C8orf74: variants seen among roughly 807,000 people sequenced by gnomAD.
The protein encoded by C8orf74 is chromosome 8 open reading frame 74, also known as uncharacterized protein C8orf74.
In C8orf74, 29 loss-of-function variants were observed where a neutral mutation model predicts 22.2. The observed-to-expected ratio is 1.31, with a 90% CI of 0.97 to 1.78. C8orf74 has a LOEUF of 1.78. Among genes scored for constraint, C8orf74 ranks in the 40% most tolerant of loss-of-function variants. C8orf74 has a pLI of 0.00. For synonymous variants in C8orf74, 255 were observed against 163.1 expected (o/e 1.56, Z -4.30); for missense variants, 515 against 369.9 (o/e 1.39, Z -3.22).
At chr8:10,678,028 C>T (rs1799068771) in intron 2 of C8orf74, among the ~76,000 whole-genome samples, 1 of 152,336 alleles carries the variant, frequency 6.6e-6, no homozygotes, top group Admixed American at 6.5e-5. Flanking sequence ...CTTACGAGTT[C>T]CTCCTCTCAC....
At chr8:10,680,731 C>T (rs758842494) in intron 2 of C8orf74, among the ~76,000 whole-genome samples, 2 of 152,184 alleles carry the variant, frequency 1.3e-5, no homozygotes, top group African/African-American at 2.4e-5. Context: ...CCTACCAGAC[C>T]GAGAGAGCAG....
intron 2 of C8orf74, among the ~76,000 whole-genome samples, chr8:10,683,547 G>A (rs1799196862): frequency 6.6e-6 from 1 of 152,184 alleles, no homozygotes; most frequent in Non-Finnish European, 1.5e-5. Flanking sequence ...TTTCATCTCT[G>A]GGGGATGATG....
chr8:10,678,712 C>T (rs1799085286), intron 2 of C8orf74, among the ~76,000 whole-genome samples: 1 of 152,104 alleles, frequency 6.6e-6, no homozygotes, highest in African/African-American at 2.4e-5. Context: ...GGAGAGCTGG[C>T]TCCTGACAGC....
At position 10,697,612 on chromosome 8, in the gene C8orf74, T is replaced by A; in HGVS notation, c.255T>A (p.Thr85=). ...CTGTGCCTACAGGCTGCTCCATTACTGAGGCTGTGACGATCCTGGGGAACA... is the reference window on the plus strand; with the variant it reads ...CTGTGCCTACAGGCTGCTCCATTACAGAGGCTGTGACGATCCTGGGGAACA... ...LLRETKGCSI[T]EAVTILGNKL... Residue 85 remains threonine, a synonymous_variant, in exon 3 of 4, where the codon ACT becomes ACA. Transcript: ENST00000304519. The A allele has an allele frequency of 6.2e-7, 1 of 1,613,730 alleles. No homozygotes were observed. The highest frequency in any genetic ancestry group is 8.5e-7 in the Non-Finnish European group (1 of 1,179,728).
intron 2 of C8orf74, among the ~76,000 whole-genome samples, chr8:10,676,995 T>C (rs4129653): frequency 0.18 from 27,700 of 152,112 alleles, 3,446 homozygotes; most frequent in African/African-American, 0.35. Context: ...ATTAGGGCGC[T>C]CTGGAGCTTT....
intron 3 of C8orf74, among the ~76,000 whole-genome samples, chr8:10,699,023 A>G (rs1563166330): frequency 1.3e-5 from 2 of 152,154 alleles, no homozygotes; most frequent in Non-Finnish European, 1.5e-5. Flanking sequence ...CAAATAGCAC[A>G]TCAGGGGGCC....
At chr8:10,687,083 C>T (rs1483822020) in intron 2 of C8orf74, 1 of 456,266 alleles carries the variant, frequency 2.2e-6, no homozygotes, top group Admixed American at 2.3e-5. Flanking sequence ...AAACCAGGTT[C>T]AGTCCAGGAG....
At chr8:10,681,003 T>G (rs1799137303) in intron 2 of C8orf74, among the ~76,000 whole-genome samples, 1 of 151,686 alleles carries the variant, frequency 6.6e-6, no homozygotes, top group African/African-American at 2.4e-5. Flanking sequence ...ATGTTTTTGT[T>G]GTTGTTAATC....
chr8:10,692,965 T>C (rs1350192621), intron 2 of C8orf74: 1 of 152,174 alleles, frequency 6.6e-6, no homozygotes, highest in East Asian at 1.9e-4. Context: ...ATGCACAAGA[T>C]CAAAGATCGT....
At chr8:10,687,841 T>A (rs1384784645) in intron 2 of C8orf74, among the ~76,000 whole-genome samples, 1 of 152,112 alleles carries the variant, frequency 6.6e-6, no homozygotes, top group African/African-American at 2.4e-5. Flanking sequence ...ATTATAAATC[T>A]TCATCTTGAT....
chr8:10,691,654 C>G (rs1799383960), intron 2 of C8orf74: 2 of 152,434 alleles, frequency 1.3e-5, no homozygotes, highest in Non-Finnish European at 2.9e-5. Flanking sequence ...AATGGGCAGC[C>G]TCTGCTGTCC....
At chr8:10,687,742 A>T (rs929074296) in intron 2 of C8orf74, among the ~76,000 whole-genome samples, 1 of 152,196 alleles carries the variant, frequency 6.6e-6, no homozygotes, top group African/African-American at 2.4e-5. Context: ...ATCATTGCAC[A>T]AATTAGGAAT....
rs201247530 is a variant in C8orf74, at chr8:10,697,262, C to T, written c.242-337C>T. On this transcript the variant is annotated intron_variant, in intron 2 of 3. Transcript: ENST00000304519. ...AGCCTGGGCAAAACAGTGATAACCT[C>T]ATCTCCACAAAACATAAACAAAATT... 3.9e-5 allele frequency among the ~76,000 whole-genome samples: 6 copies of T among 152,178 alleles called. No individual in the cohort carries two copies. In the East Asian group the frequency reaches 1.2e-3, roughly 30 times the overall value.
chr8:10,699,615 C>G (rs974683958), intron 3 of C8orf74, among the ~76,000 whole-genome samples: 4 of 152,234 alleles, frequency 2.6e-5, no homozygotes, highest in Admixed American at 2.0e-4. Context: ...AGTTGACCAA[C>G]AGGGTTTCCT....
intron 2 of C8orf74, among the ~76,000 whole-genome samples, chr8:10,690,604 G>A (rs1301454999): frequency 6.6e-6 from 1 of 152,092 alleles, no homozygotes; most frequent in East Asian, 1.9e-4. Flanking sequence ...TGGTTTATCG[G>A]GGTACCTGAG....
chr8:10,696,958 G>GGAAA (rs539948327), intron 2 of C8orf74, among the ~76,000 whole-genome samples: 2 of 104,326 alleles, frequency 1.9e-5, no homozygotes, highest in African/African-American at 6.5e-5. Flanking sequence ...CCAGGAGTTC[G>GGAAA]AAAAAAAAAA....
chr8:10,686,320 T>A lies in C8orf74; in HGVS notation c.242-11279T>A, dbSNP rs542407959. Among the ~76,000 whole-genome samples, 6 of 152,320 alleles carry A rather than the reference T, an allele frequency of 3.9e-5. No individual in the cohort carries two copies. The South Asian group carries it at 1.0e-3, about 26-fold the overall frequency. On this transcript the variant is annotated intron_variant, in intron 2 of 3. Transcript: ENST00000304519. ...CACATGCATGCTCTAAACCTCAGTT[T>A]CTTCATCTGTTAAATGGTGTCAAAT...
chr8:10,674,499 C>A (rs1798986008), intron 1 of C8orf74, 147 bp from the exon 2 acceptor site: 1 of 63,340 alleles, frequency 1.6e-5, no homozygotes, highest in Admixed American at 2.4e-4. Flanking sequence ...CACCATGCAG[C>A]CCCCATATCA....
chr8:10,673,309 T>A (rs1332539987), intron 1 of C8orf74, among the ~76,000 whole-genome samples: 2 of 152,150 alleles, frequency 1.3e-5, no homozygotes, highest in Non-Finnish European at 2.9e-5. Flanking sequence ...CTACATCTGC[T>A]GGGAGCCTAT....
Sources: gnomAD v4.1 joint callset for allele counts (sites outside exome capture counted in the v4.1 genomes callset) on GRCh38, gnomAD v4.1.1 for gene constraint, MANE v1.5 for transcripts, NCBI Gene and HGNC (gene_info 2026-07-23, HGNC 2026-07-21) for gene names.